The following RANBP2 variants were observed in gnomAD, a reference collection of about 807,000 sequenced individuals.
RANBP2 encodes the protein RAN binding protein 2, also known as E3 SUMO-protein ligase RanBP2.
In RANBP2, 57 loss-of-function variants were observed where a neutral mutation model predicts 303.6. The ratio of observed to expected loss-of-function variants is 0.19; its 90% CI spans 0.15 to 0.23. The LOEUF (loss-of-function observed/expected upper bound fraction) is 0.23. Among genes scored for constraint, RANBP2 ranks in the 10% least tolerant of loss-of-function variants. RANBP2 has a pLI of 1.00. For missense variants in RANBP2, 3,138 were observed against 3,780.8 expected, an observed-to-expected ratio of 0.83 and a Z score of 4.46; for synonymous variants, 1,167 against 1,301.5, an observed-to-expected ratio of 0.90 and a Z score of 2.23.
the RANBP2 span, among the ~76,000 whole-genome samples, chr2:109,078,392 GA>G: frequency 6.8e-6 from 1 of 146,078 alleles, no homozygotes; most frequent in Admixed American, 6.9e-5. Flanking sequence ...TATGCTAAGT[GA>G]AAAAGCCAGA....
At chr2:109,177,810 ATTTG>A in the RANBP2 span, among the ~76,000 whole-genome samples, 1 of 152,230 alleles carries the variant, frequency 6.6e-6, no homozygotes, top group African/African-American at 2.4e-5. Flanking sequence ...AGACAAGGCA[ATTTG>A]TTTGATTTAT....
chr2:108,843,844 T>TGTGTGTGTG, the RANBP2 span, among the ~76,000 whole-genome samples: 1 of 22,808 alleles, frequency 4.4e-5, no homozygotes, highest in African/African-American at 6.5e-5. Flanking sequence ...AGTTCATGTT[T>TGTGTGTGTG]TGTGTGTGTG....
At chr2:109,711,199 T>C in the RANBP2 span, among the ~76,000 whole-genome samples, 1 of 152,058 alleles carries the variant, frequency 6.6e-6, no homozygotes, top group Non-Finnish European at 1.5e-5. Flanking sequence ...CCCCTGCAAC[T>C]GTCTTCAGCA....
chr2:108,971,536 C>A, the RANBP2 span, among the ~76,000 whole-genome samples: 1 of 152,092 alleles, frequency 6.6e-6, no homozygotes, highest in African/African-American at 2.4e-5. Context: ...GGCATTCTAG[C>A]AGAGAGCTGA....
the RANBP2 span, among the ~76,000 whole-genome samples, chr2:108,926,720 A>G: frequency 6.6e-6 from 1 of 152,190 alleles, no homozygotes; most frequent in East Asian, 1.9e-4. Flanking sequence ...TTGTTCAGCA[A>G]GTGTCCTGGC....
intron 1 of RANBP2, among the ~76,000 whole-genome samples, chr2:108,727,042 C>G (rs1034313582): frequency 3.5e-4 from 53 of 152,144 alleles, no homozygotes; most frequent in Non-Finnish European, 6.0e-4. Flanking sequence ...TCTTTCTACA[C>G]AGACACGGCA....
the RANBP2 span, among the ~76,000 whole-genome samples, chr2:109,687,286 C>A: frequency 6.6e-6 from 1 of 152,164 alleles, no homozygotes; most frequent in Non-Finnish European, 1.5e-5. Flanking sequence ...TAATTAACAA[C>A]GTCATGAGCT....
At chr2:109,638,527 T>C in the RANBP2 span, among the ~76,000 whole-genome samples, 1 of 152,292 alleles carries the variant, frequency 6.6e-6, no homozygotes, top group South Asian at 2.1e-4. Flanking sequence ...AAGATAGCAG[T>C]GATCTAATTG....
the RANBP2 span, among the ~76,000 whole-genome samples, chr2:109,306,459 G>A: frequency 4.6e-5 from 7 of 152,220 alleles, no homozygotes; most frequent in East Asian, 1.9e-4. Flanking sequence ...TGCACATACC[G>A]CAGAAGGTAT....
At chr2:109,274,543 A>G in the RANBP2 span, among the ~76,000 whole-genome samples, 3 of 152,242 alleles carry the variant, frequency 2.0e-5, no homozygotes, top group Non-Finnish European at 2.9e-5. Flanking sequence ...AAGGTCACAT[A>G]TTGTATGATT....
the RANBP2 span, among the ~76,000 whole-genome samples, chr2:109,348,896 C>T: frequency 6.6e-5 from 10 of 152,124 alleles, no homozygotes; most frequent in African/African-American, 2.4e-4. Context: ...CAGCATTCTT[C>T]CCACCTCCCT....
chr2:109,652,375 A>T, the RANBP2 span, among the ~76,000 whole-genome samples: 1 of 151,148 alleles, frequency 6.6e-6, no homozygotes, highest in Admixed American at 6.6e-5. Flanking sequence ...GGCACCCGCC[A>T]CCACGCCCGG....
chr2:109,412,551 A>G, the RANBP2 span, among the ~76,000 whole-genome samples: 1 of 152,220 alleles, frequency 6.6e-6, no homozygotes, highest in Non-Finnish European at 1.5e-5. Flanking sequence ...GCCTGGGAGC[A>G]CAGAACTGCC....
chr2:109,556,616 G>A, the RANBP2 span, among the ~76,000 whole-genome samples: 1 of 152,040 alleles, frequency 6.6e-6, no homozygotes, highest in African/African-American at 2.4e-5. Flanking sequence ...ACCCCAAGGA[G>A]GCATTTTACT....
the RANBP2 span, among the ~76,000 whole-genome samples, chr2:109,469,540 G>T: frequency 6.2e-3 from 939 of 152,206 alleles, 6 homozygotes; most frequent in Middle Eastern, 0.014. Context: ...AACTTAGGCT[G>T]CCTAGAAAAT....
chr2:108,736,289 A>G (rs1695580199), intron 6 of RANBP2, 40 bp downstream of exon 6: 1 of 1,611,768 alleles, frequency 6.2e-7, no homozygotes, highest in Non-Finnish European at 8.5e-7. Flanking sequence ...TATAAATTGC[A>G]GTTTTTCTTT....
At chr2:109,019,059 T>C in the RANBP2 span, among the ~76,000 whole-genome samples, 2 of 152,152 alleles carry the variant, frequency 1.3e-5, no homozygotes, top group Non-Finnish European at 2.9e-5. Flanking sequence ...GATCAGTCAC[T>C]AGTTATGGCA....
chr2:109,599,123 A>T, the RANBP2 span, among the ~76,000 whole-genome samples: 1 of 152,090 alleles, frequency 6.6e-6, no homozygotes, highest in South Asian at 2.1e-4. Flanking sequence ...TGCAGACCAC[A>T]CTGCTAGAAG....
the RANBP2 span, among the ~76,000 whole-genome samples, chr2:109,048,207 A>G: frequency 6.6e-6 from 1 of 152,214 alleles, no homozygotes; most frequent in Non-Finnish European, 1.5e-5. Flanking sequence ...TGTAAATGTA[A>G]TTGCTGCAGC....
Sources: gnomAD v4.1 joint callset for allele counts (sites outside exome capture counted in the v4.1 genomes callset) on GRCh38, gnomAD v4.1.1 for gene constraint, MANE v1.5 for transcripts, NCBI Gene and HGNC (gene_info 2026-07-23, HGNC 2026-07-21) for gene names.